ANO4: variants seen among roughly 807,000 people sequenced by gnomAD.
ANO4 encodes the protein anoctamin-4.
ANO4 carries 69 observed loss-of-function variants against 141.9 expected under a neutral mutation model. The ratio of observed to expected loss-of-function variants is 0.49; its 90% CI spans 0.40 to 0.59. ANO4 has a LOEUF of 0.59. Ranked by LOEUF, ANO4 falls within the 20% of genes least tolerant of loss-of-function variation. The pLI, the probability that ANO4 is intolerant of heterozygous loss-of-function variation, is 0.00. For missense variants in ANO4, 894 were observed against 1,162.2 expected (o/e 0.77, Z 3.36); for synonymous variants, 350 against 394.3 (o/e 0.89, Z 1.33).
At chr12:100,839,553 T>G (rs1240453885) in intron 1 of ANO4, among the ~76,000 whole-genome samples, 1 of 152,182 alleles carries the variant, frequency 6.6e-6, no homozygotes, top group Non-Finnish European at 1.5e-5. Context: ...TAATTGGCCT[T>G]TTTTTCATTC....
intron 1 of ANO4, among the ~76,000 whole-genome samples, chr12:100,863,252 A>G (rs932102): frequency 0.78 from 118,557 of 152,064 alleles, 46,559 homozygotes; most frequent in Admixed American, 0.85. Context: ...TGAGTAAGGT[A>G]GGAAGCTGTT....
chr12:100,952,052 A>G (rs147824756), intron 5 of ANO4, among the ~76,000 whole-genome samples: 2 of 152,266 alleles, frequency 1.3e-5, no homozygotes, highest in East Asian at 3.9e-4. Context: ...TTGATCCAAT[A>G]TTATATGGTT....
intron 1 of ANO4, among the ~76,000 whole-genome samples, chr12:100,861,754 T>C (rs899823994): frequency 2.6e-5 from 4 of 152,244 alleles, no homozygotes; most frequent in Non-Finnish European, 5.9e-5. Context: ...TGTAATAATA[T>C]TTCACTTAAA....
chr12:101,088,732 A>G (rs2049612736), intron 17 of ANO4, among the ~76,000 whole-genome samples: 1 of 151,992 alleles, frequency 6.6e-6, no homozygotes, highest in Non-Finnish European at 1.5e-5. Flanking sequence ...TCTACAAACA[A>G]AATTTTTTTT....
At chr12:100,904,261 CT>C (rs2040735517) in intron 2 of ANO4, among the ~76,000 whole-genome samples, 1 of 152,092 alleles carries the variant, frequency 6.6e-6, no homozygotes, top group Admixed American at 6.5e-5. Context: ...AGTCCCTGCC[CT>C]TGGGGAGTTT....
intron 3 of ANO4, among the ~76,000 whole-genome samples, chr12:100,935,152 G>A (rs567360133): frequency 6.6e-6 from 1 of 152,274 alleles, no homozygotes; most frequent in African/African-American, 2.4e-5. Flanking sequence ...GTGAGAGAGG[G>A]CATCCTTGTC....
chr12:100,996,585 T>G (rs2045382098), intron 8 of ANO4, among the ~76,000 whole-genome samples: 1 of 152,144 alleles, frequency 6.6e-6, no homozygotes, highest in South Asian at 2.1e-4. Context: ...CTCGGGAAGC[T>G]GAGGCAGGAG....
At chr12:100,986,528 C>T (rs1304215479) in intron 7 of ANO4, among the ~76,000 whole-genome samples, 1 of 152,212 alleles carries the variant, frequency 6.6e-6, no homozygotes, top group African/African-American at 2.4e-5. Flanking sequence ...TACCAGCTAT[C>T]TGGACATCCC....
In ANO4 at chr12:101,081,988, C is replaced by T. The variant is rs114398680; in HGVS notation, c.1396-1690C>T. Among the ~76,000 whole-genome samples the T allele has an allele frequency of 5.6e-3, 858 of 152,168 alleles. 6 individuals carry two copies. Among genetic ancestry groups the T allele is most frequent in the African/African-American group, 0.02 (822 of 41,512 alleles). Reference sequence around the variant, plus strand: ...CCACATATGGTCACATTCAGTACTGCGGGTTAGGACTTCAGCAGATGAATT... The same window carrying T: ...CCACATATGGTCACATTCAGTACTGTGGGTTAGGACTTCAGCAGATGAATT... On this transcript the variant is annotated intron_variant, in intron 15 of 27. Transcript: ENST00000392977.
At chr12:101,084,901 T>C (rs1426773166) in intron 16 of ANO4, among the ~76,000 whole-genome samples, 1 of 152,224 alleles carries the variant, frequency 6.6e-6, no homozygotes, top group Non-Finnish European at 1.5e-5. Flanking sequence ...GAGCTAGGGC[T>C]CTAATCTCTC....
chr12:101,048,574 GAAGA>G (rs2136659618), intron 14 of ANO4, among the ~76,000 whole-genome samples, 173 bp downstream of exon 14: 1 of 152,288 alleles, frequency 6.6e-6, no homozygotes, highest in South Asian at 2.1e-4. Context: ...CGATATTGTA[GAAGA>G]GAGACATGTC....
intron 1 of ANO4, among the ~76,000 whole-genome samples, chr12:100,726,299 A>G (rs1374129154): frequency 1.3e-5 from 2 of 152,250 alleles, no homozygotes; most frequent in African/African-American, 4.8e-5. Context: ...TTTCTTAAAA[A>G]GAAGCTCTTT....
chr12:101,026,812 C>T (rs2046754643), intron 9 of ANO4, among the ~76,000 whole-genome samples: 1 of 151,994 alleles, frequency 6.6e-6, no homozygotes. Context: ...ATCTTTGTTA[C>T]CTTGGGTTAA....
At chr12:100,764,994 G>T (rs115891722) in intron 3 of ANO4, among the ~76,000 whole-genome samples, 1,894 of 152,166 alleles carry the variant, frequency 0.012, 24 homozygotes, top group African/African-American at 0.043. Context: ...GTTTGGAATT[G>T]TTTCTTCTTC....
intron 7 of ANO4, among the ~76,000 whole-genome samples, chr12:100,977,139 A>T (rs1244437084): frequency 2.0e-5 from 3 of 152,178 alleles, no homozygotes; most frequent in Non-Finnish European, 2.9e-5. Context: ...ATCTATTAAT[A>T]CTTATTACAT....
chr12:101,072,731 A>C (rs2048865355), intron 14 of ANO4, among the ~76,000 whole-genome samples: 1 of 151,922 alleles, frequency 6.6e-6, no homozygotes, highest in South Asian at 2.1e-4. Context: ...AAAGAATTTA[A>C]ACAAACTTAC....
chr12:100,963,942 G>C (rs377672704), intron 5 of ANO4, among the ~76,000 whole-genome samples: 99 of 152,292 alleles, frequency 6.5e-4, no homozygotes, highest in African/African-American at 2.3e-3. Flanking sequence ...GCTCCAGAAT[G>C]ATGCTGCAAG....
At chr12:100,717,663 G>A (rs1451457826) in intron 1 of ANO4, 2 of 396,474 alleles carry the variant, frequency 5.0e-6, no homozygotes, top group Non-Finnish European at 8.9e-6. Context: ...GTCTGGAAGG[G>A]AGGGAGACGG....
chr12:101,101,578 C>A (rs1211041215), intron 22 of ANO4, among the ~76,000 whole-genome samples: 1 of 151,996 alleles, frequency 6.6e-6, no homozygotes, highest in Non-Finnish European at 1.5e-5. Flanking sequence ...CACCATCAAT[C>A]CCTCAACCCT....
Sources: gnomAD v4.1 joint callset for allele counts (sites outside exome capture counted in the v4.1 genomes callset) on GRCh38, gnomAD v4.1.1 for gene constraint, MANE v1.5 for transcripts, NCBI Gene and HGNC (gene_info 2026-07-23, HGNC 2026-07-21) for gene names.